Variants in SLFN12L observed in about 807,000 individuals in gnomAD.
SLFN12L encodes schlafen family member 12-like.
A neutral mutation model predicts 34.8 loss-of-function variants in SLFN12L; 34 were observed. That is an observed-to-expected ratio of 0.98 (90% CI 0.74 to 1.30). SLFN12L has a LOEUF of 1.30. Ranked by LOEUF, SLFN12L falls within the 50% of genes most tolerant of loss-of-function variation. SLFN12L has a pLI of 0.00. For synonymous variants in SLFN12L, 259 were observed against 247.5 expected (o/e 1.05, Z -0.44); for missense variants, 703 against 696.2 (o/e 1.01, Z -0.11).
chr17:35,506,190 G>A (rs1915460209), intron 2 of SLFN12L, among the ~76,000 whole-genome samples: 1 of 152,056 alleles, frequency 6.6e-6, no homozygotes, highest in South Asian at 2.1e-4. Context: ...GAAAGAAAAG[G>A]GATTCCCAAA....
rs1405608838 is a variant in SLFN12L, at chr17:35,475,130, G to A, written c.1632C>T (p.Ser544=). Residue 544 remains serine (S), a synonymous_variant, in exon 5 of 5, where the codon AGC becomes AGT. Coordinates refer to ENST00000628453, the MANE Select transcript of SLFN12L (RefSeq NM_001363830.2). Reference sequence around the variant, plus strand: ...ACTGGCAGCTTGTCTTGCCTTCAGGGCTCAAGTAGAAGATCTTTGTCATGA... The same window carrying A: ...ACTGGCAGCTTGTCTTGCCTTCAGGACTCAAGTAGAAGATCTTTGTCATGA... ...VCVMTKIFYL[S]PEGKTSCQYD... is the part of the protein sequence containing the mutation. The A allele has an allele frequency of 1.9e-6, 3 of 1,614,074 alleles. No individual in the cohort carries two copies. The highest frequency in any genetic ancestry group is 2.7e-5 in the African/African-American group (2 of 74,930).
chr17:35,468,224 G>T lies in SLFN12L; in HGVS notation c.*6699C>A, dbSNP rs760353867. Among the ~76,000 whole-genome samples, 12 of 152,148 alleles carry T rather than the reference G, an allele frequency of 7.9e-5. No individual in the cohort carries two copies. Among genetic ancestry groups the T allele is most frequent in the Non-Finnish European group, 1.8e-4 (12 of 68,026 alleles). ...CCATGCTCAGCCTGCTGATCTTACT[G>T]CTGGTATGGGTGCTTTTGTTGTTTT... On this transcript the variant is annotated 3_prime_UTR_variant, in exon 5 of 5. Coordinates refer to ENST00000628453, the MANE Select transcript of SLFN12L (RefSeq NM_001363830.2).
At chr17:35,513,158 T>C (rs1211836063) in intron 2 of SLFN12L, among the ~76,000 whole-genome samples, 1 of 152,176 alleles carries the variant, frequency 6.6e-6, no homozygotes, top group Non-Finnish European at 1.5e-5. Context: ...CTGAAAATGA[T>C]ATTGTGCCTC....
intron 2 of SLFN12L, among the ~76,000 whole-genome samples, chr17:35,492,199 C>A (rs907191237): frequency 1.8e-4 from 28 of 152,176 alleles, no homozygotes; most frequent in Non-Finnish European, 3.8e-4. Context: ...CCTGTGTGAT[C>A]TAAGGTTTAT....
chr17:35,512,707 T>A (rs576996331), intron 2 of SLFN12L, among the ~76,000 whole-genome samples: 2 of 152,330 alleles, frequency 1.3e-5, no homozygotes, highest in Admixed American at 6.5e-5. Flanking sequence ...AAAGGTAGTG[T>A]GTAATTTTAA....
intron 1 of SLFN12L, among the ~76,000 whole-genome samples, chr17:35,537,025 A>T (rs372754057): frequency 8.4e-4 from 128 of 152,052 alleles, no homozygotes; most frequent in African/African-American, 2.6e-3. Context: ...AAACGAAAAA[A>T]ATTAGCCAGG....
In SLFN12L at chr17:35,473,681, C is replaced by T. The variant is rs1163591079; in HGVS notation, c.*1242G>A. The T allele has an allele frequency of 6.6e-6, 1 of 152,134 alleles. No individual in the cohort carries two copies. Among genetic ancestry groups the T allele is most frequent in the East Asian group, 1.9e-4 (1 of 5,192 alleles). 9.4% of individuals were successfully genotyped at this position (152,134 alleles called of 1,614,324 possible). On this transcript the variant is annotated 3_prime_UTR_variant, in exon 5 of 5. Coordinates refer to ENST00000628453, the MANE Select transcript of SLFN12L (RefSeq NM_001363830.2). ...TACTGGCTTCATAAAATGAGTTAGG[C>T]AGGATTCTTTCCTCTTTTATTGTTT...
intron 2 of SLFN12L, chr17:35,491,323 TC>T (rs1353709673): frequency 1.9e-6 from 1 of 522,520 alleles, no homozygotes; most frequent in Non-Finnish European, 3.4e-6. Flanking sequence ...TGTTGTCCCT[TC>T]CTACTTTCTT....
intron 1 of SLFN12L, among the ~76,000 whole-genome samples, chr17:35,535,608 TCC>T (rs560341987): frequency 5.4e-4 from 82 of 151,946 alleles, no homozygotes; most frequent in African/African-American, 1.9e-3. Flanking sequence ...CACCTCAGCC[TCC>T]CAAGTAGCTG....
At chr17:35,525,690 T>TACA (rs1382125590) in intron 1 of SLFN12L, among the ~76,000 whole-genome samples, 39 of 152,150 alleles carry the variant, frequency 2.6e-4, no homozygotes. Context: ...AGGCCTGCCT[T>TACA]ACAAGAGCTC....
chr17:35,497,404 A>G (rs1915126093), intron 2 of SLFN12L, among the ~76,000 whole-genome samples: 1 of 151,682 alleles, frequency 6.6e-6, no homozygotes, highest in South Asian at 2.1e-4. Context: ...AAATAATAAT[A>G]AATAAAATAA....
chr17:35,530,513 AAAAGAAAAGAAAAG>A (rs1326319943), intron 1 of SLFN12L, among the ~76,000 whole-genome samples: 1 of 32,576 alleles, frequency 3.1e-5, no homozygotes, highest in African/African-American at 1.1e-4. Context: ...AGAAAGAAAG[AAAAGAAAAGAAAAG>A]AAAAGAAAAG....
rs764222254 is a variant in SLFN12L at position 35,522,421 on chromosome 17, C to T, written c.-57G>A. 1 of 1,614,002 alleles carries T rather than the reference C, an allele frequency of 6.2e-7. No homozygotes were observed. Among genetic ancestry groups the T allele is most frequent in the East Asian group, 2.2e-5 (1 of 44,880 alleles). On this transcript the variant is annotated 5_prime_UTR_variant, in exon 2 of 5. Coordinates refer to ENST00000628453, the MANE Select transcript of SLFN12L (RefSeq NM_001363830.2). ...CCAGGTAAGCCATGGACAAACAATT[C>T]TCTGTTCTTGTGGAAGCTTCTGGAG...
rs1013397867 is a variant in SLFN12L, at chr17:35,522,284, G to GA, written c.80dup (p.Ile28HisfsTer21). On this transcript the variant is annotated frameshift_variant, in exon 2 of 5. Coordinates refer to ENST00000628453, the MANE Select transcript of SLFN12L (RefSeq NM_001363830.2). LOFTEE classifies it high-confidence loss of function. ...CATAAGGTCCAACTGCTTACCTGAT[G>GA]AAATTCCTCAGAAACTGACTTTCAC... 2.5e-6 allele frequency: 4 copies of GA among 1,614,026 alleles called. No individual in the cohort carries two copies. In the African/African-American group the frequency reaches 4.0e-5, roughly 16 times the overall value.
At chr17:35,534,090 C>G (rs548537150) in intron 1 of SLFN12L, among the ~76,000 whole-genome samples, 1 of 151,662 alleles carries the variant, frequency 6.6e-6, no homozygotes, top group Non-Finnish European at 1.5e-5. Context: ...GGCCTGGGCA[C>G]GGTGTCTCAT....
At chr17:35,481,324 T>G (rs1374515608) in intron 2 of SLFN12L, among the ~76,000 whole-genome samples, 1 of 152,350 alleles carries the variant, frequency 6.6e-6, no homozygotes, top group Non-Finnish European at 1.5e-5. Flanking sequence ...CAGTCAGGCC[T>G]GCCCGCAGCC....
Position 35,470,097 on chromosome 17 carries a change from T to A in SLFN12L, c.*4826A>T, listed in dbSNP as rs1305562485. The A allele has an allele frequency of 6.6e-6, 1 of 152,278 alleles. No homozygotes were observed. Among genetic ancestry groups the A allele is most frequent in the Non-Finnish European group, 1.5e-5 (1 of 68,074 alleles). The allele number at this position is 152,278 out of a possible 1,614,324, so 9.4% of individuals were successfully genotyped here. ...CTGTGTTGACACTCAGTCACCTCCA[T>A]AAATCAAAACTTCAAGAGTACATTT... On this transcript the variant is annotated 3_prime_UTR_variant, in exon 5 of 5. Coordinates refer to ENST00000628453, the MANE Select transcript of SLFN12L (RefSeq NM_001363830.2).
chr17:35,515,180 G>A, intron 2 of SLFN12L: 1 of 609,902 alleles, frequency 1.6e-6, no homozygotes, highest in Non-Finnish European at 3.2e-6. Flanking sequence ...GCTCCGTTCC[G>A]ACCCAGCCTC....
intron 2 of SLFN12L, among the ~76,000 whole-genome samples, chr17:35,496,372 T>C (rs60487474): frequency 0.098 from 14,871 of 152,156 alleles, 787 homozygotes; most frequent in East Asian, 0.2. Flanking sequence ...TCTTAAATGT[T>C]AATTATGAAA....
Sources: allele counts gnomAD v4.1 joint callset (sites outside exome capture counted in the v4.1 genomes callset), GRCh38; gene constraint gnomAD v4.1.1; transcripts MANE v1.5; gene names NCBI Gene and HGNC (gene_info 2026-07-23, HGNC 2026-07-21).